NR1I3: variants seen among roughly 807,000 people sequenced by gnomAD.
NR1I3 encodes constitutive activator of retinoid response.
NR1I3 carries 30 observed loss-of-function variants against 38.4 expected under a neutral mutation model. The observed-to-expected ratio is 0.78, with a 90% CI of 0.58 to 1.06. The LOEUF is 1.06. Ranked by LOEUF, NR1I3 falls within the 50% of genes least tolerant of loss-of-function variation. The probability of loss-of-function intolerance (pLI) is 0.00; values close to 1 mark genes in which losing one functional copy is unlikely to be tolerated. For synonymous variants in NR1I3, 143 were observed against 165.1 expected, an observed-to-expected ratio of 0.87 and a Z score of 1.03; for missense variants, 388 against 435.7, an observed-to-expected ratio of 0.89 and a Z score of 0.97.
intron 8 of NR1I3, 164 bp from the exon 9 acceptor site, chr1:161,230,090 G>A: frequency 1.3e-6 from 1 of 794,872 alleles, no homozygotes; most frequent in Non-Finnish European, 2.0e-6. Flanking sequence ...GGTTCCAAAG[G>A]TCCTCCAGGG....
intron 3 of NR1I3, among the ~76,000 whole-genome samples, chr1:161,234,801 GAGAA>G (rs1668236532): frequency 6.6e-6 from 1 of 152,238 alleles, no homozygotes; most frequent in South Asian, 2.1e-4. Context: ...ACCTGGCACA[GAGAA>G]AGCATTAATT....
rs1271354248 is a variant in NR1I3, at chr1:161,231,171, G to T, written c.757C>A (p.Gln253Lys). Residue 253 changes from glutamine (Q) to lysine (K), a missense_variant, in exon 7 of 9, where the codon CAG (glutamine) becomes AAG (lysine). Gln to Lys is a moderately conservative substitution (Grantham distance 53, BLOSUM62 1). Transcript: ENST00000367983. ...AGCACATACTCAGGCTCTTGGAGCT[G>T]CAGTTTTCGTAGTGTTCCATGGAAG... ...FHFHGTLRKL[Q>K]LQEPEYVLLA... 1 of 1,613,984 alleles carries T rather than the reference G, an allele frequency of 6.2e-7. No individual in the cohort carries two copies. Among genetic ancestry groups the T allele is most frequent in the African/African-American group, 1.3e-5 (1 of 74,886 alleles).
At position 161,233,837 on chromosome 1, in the gene NR1I3, A is replaced by ATGTGTG. The variant is rs761756944; in HGVS notation, c.239-505_239-500dup. On this transcript the variant is annotated intron_variant, in intron 3 of 8. Coordinates refer to ENST00000367983, the MANE Select transcript of NR1I3 (RefSeq NM_005122.5). ...CAGGGCTGGTATTCATCATATATAT[A>ATGTGTG]TGTGTGTGTGTGTGTGTGTGTGTGT... 1.6e-3 allele frequency among the ~76,000 whole-genome samples: 185 copies of ATGTGTG among 118,566 alleles called. 1 individual carries two copies. Among genetic ancestry groups the ATGTGTG allele is most frequent in the South Asian group, 6.5e-3 (24 of 3,706 alleles). The allele number at this position is 118,566 out of a possible 152,430, so 77.8% of individuals were successfully genotyped here.
At chr1:161,234,636 A>G (rs2501874) in intron 3 of NR1I3, among the ~76,000 whole-genome samples, 76,508 of 151,888 alleles carry the variant, frequency 0.5, 20,132 homozygotes, top group African/African-American at 0.66. Context: ...TGAATTCCTG[A>G]CCTCAACAAT....
At position 161,231,457 on chromosome 1, in the gene NR1I3, TC is replaced by T. The variant is rs1667247331; in HGVS notation, c.565del (p.Asp189ThrfsTer48). 3 of 1,576,962 alleles carry T rather than the reference TC, an allele frequency of 1.9e-6. No homozygotes were observed. On this transcript the variant is annotated frameshift_variant, in exon 6 of 9. Coordinates refer to ENST00000367983, the MANE Select transcript of NR1I3 (RefSeq NM_005122.5). LOFTEE classifies it high-confidence loss of function. ...TGCTCCCTTGAGAAGGGAGATCTGG[TC>T]TTCAATGGGCAGGGAACTGTGGAAA... Reference protein sequence around the residue: ...LPVFRSLPIEDQISLLKGAAV... With the variant: ...LPVFRSLPIEXQISLLKGAAV...
rs774059371 is a variant in NR1I3, at chr1:161,232,799, T to G, written c.548+8A>C. 1 of 1,612,904 alleles carries G rather than the reference T, an allele frequency of 6.2e-7. No individual in the cohort carries two copies. The highest frequency in any genetic ancestry group is 8.5e-7 in the Non-Finnish European group (1 of 1,179,148). ...TTGCCTCCTGAAAGATGAGGGGAGG[T>G]CACTCACCGGAAGACGGGCAGGTCC... On this transcript the variant is annotated splice_region_variant and intron_variant, in intron 5 of 8. Coordinates refer to ENST00000367983, the MANE Select transcript of NR1I3 (RefSeq NM_005122.5).
intron 8 of NR1I3, chr1:161,230,457 G>A (rs948833045): frequency 1.5e-5 from 7 of 472,242 alleles, no homozygotes; most frequent in African/African-American, 8.0e-5. Flanking sequence ...GGCGAGGAGA[G>A]GAAAGGCCAA....
At position 161,238,055 on chromosome 1, in the gene NR1I3, C is replaced by T. The variant is rs1668942418; in HGVS notation, c.-48G>A. Reference sequence around the variant, plus strand: ...AGATTTCCTACCTGCTTCTCTTAGGCAGCATGTCACCTGCAGGCCACAGAA... The same window carrying T: ...AGATTTCCTACCTGCTTCTCTTAGGTAGCATGTCACCTGCAGGCCACAGAA... On this transcript the variant is annotated 5_prime_UTR_variant, in exon 1 of 9. Transcript: ENST00000367983. The T allele has an allele frequency of 6.2e-7, 1 of 1,613,762 alleles. No homozygotes were observed. The highest frequency in any genetic ancestry group is 1.3e-5 in the African/African-American group (1 of 74,926).
rs1217672288 is a variant in NR1I3, at chr1:161,232,800, C to A, written c.548+7G>T. 1.2e-6 allele frequency: 2 copies of A among 1,613,906 alleles called. No individual in the cohort carries two copies. Among genetic ancestry groups the A allele is most frequent in the African/African-American group, 1.3e-5 (1 of 74,942 alleles). On this transcript the variant is annotated splice_region_variant and intron_variant, in intron 5 of 8. Coordinates refer to ENST00000367983, the MANE Select transcript of NR1I3 (RefSeq NM_005122.5). ...TGCCTCCTGAAAGATGAGGGGAGGT[C>A]ACTCACCGGAAGACGGGCAGGTCCT...
At position 161,231,388 on chromosome 1, in the gene NR1I3, A is replaced by T. The variant is rs761662278; in HGVS notation, c.635T>A (p.Leu212His). Residue 212 changes from leucine to histidine, a missense_variant, in exon 6 of 9, where the codon CTC becomes CAC. Coordinates refer to ENST00000367983, the MANE Select transcript of NR1I3 (RefSeq NM_005122.5). ...CHIVLNTTFCLQTQNFLCGPL... is the reference protein window; with the variant it reads ...CHIVLNTTFCHQTQNFLCGPL... ...CCCGCAGAGGAAGTTTTGTGTTTGG[A>T]GACAGAAAGTGGTATTGAGTACGAT... The T allele has an allele frequency of 6.4e-7, 1 of 1,563,490 alleles. No individual in the cohort carries two copies. Among genetic ancestry groups the T allele is most frequent in the African/African-American group, 1.4e-5 (1 of 72,218 alleles).
intron 8 of NR1I3, chr1:161,230,187 G>A: frequency 2.1e-6 from 1 of 468,816 alleles, no homozygotes; most frequent in African/African-American, 2.0e-5. Flanking sequence ...GAAAGCTCCA[G>A]ACTTGGCCAG....
intron 8 of NR1I3, chr1:161,230,156 G>A (rs1221637785): frequency 9.5e-6 from 5 of 524,828 alleles, no homozygotes; most frequent in Non-Finnish European, 1.7e-5. Context: ...TGAACCCAGA[G>A]CTCTGAGAGC....
At chr1:161,236,024 G>A (rs759368572) in intron 2 of NR1I3, 47 bp from the exon 3 acceptor site, 21 of 1,541,098 alleles carry the variant, frequency 1.4e-5, no homozygotes, top group Non-Finnish European at 1.6e-5. Context: ...CAATGGATAG[G>A]TGAGGGGCTG....
chr1:161,235,171 A>G (rs1668317818), intron 3 of NR1I3: 1 of 148,766 alleles, frequency 6.7e-6, no homozygotes, highest in Non-Finnish European at 1.5e-5. Flanking sequence ...AAAAGACAAG[A>G]CTAGCCATGT....
In NR1I3 at chr1:161,230,832, G is replaced by C; in HGVS notation, c.898C>G (p.Gln300Glu). The stretch of plus-strand genomic sequence containing the variant: ...CCGTACCGATCCCGGGGCCTTCGCT[G>C]CTGGCCCTTGATGTAGCTTTGCAGA... ...LTLQSYIKGQ[Q>E]RRPRDRFLYA... The change falls in exon 8 of 9, where the codon CAG becomes GAG. Residue 300 changes from glutamine (Q) to glutamate (E), a missense_variant. Coordinates refer to ENST00000367983, the MANE Select transcript of NR1I3 (RefSeq NM_005122.5). 6.2e-7 allele frequency: 1 copy of C among 1,614,170 alleles called. No individual in the cohort carries two copies. Among genetic ancestry groups the C allele is most frequent in the Non-Finnish European group, 8.5e-7 (1 of 1,180,034 alleles).
At position 161,233,306 on chromosome 1, in the gene NR1I3, G is replaced by A. The variant is rs1477901959; in HGVS notation, c.271C>T (p.Arg91Ter). The A allele has an allele frequency of 1.5e-5, 25 of 1,613,926 alleles. No homozygotes were observed. The highest frequency in any genetic ancestry group is 2.2e-5 in the East Asian group (1 of 44,894). Residue 91 changes from arginine to a stop codon, truncating the protein, a stop_gained, in exon 4 of 9, where the codon CGA becomes TGA. Coordinates refer to ENST00000367983, the MANE Select transcript of NR1I3 (RefSeq NM_005122.5). LOFTEE classifies it high-confidence loss of function. ...GCCCGCCGCTGGGCCTGCTTTGCTC[G>A]CCGCAATGCCAGGGCTTCTGCCGAC... ...ILSAEALALR[R>*]AKQAQRRAQQ... is the part of the protein sequence containing the mutation.
At chr1:161,231,277 A>G (rs1289474664) in intron 6 of NR1I3, 44 bp from the exon 7 acceptor site, 2 of 1,612,932 alleles carry the variant, frequency 1.2e-6, no homozygotes, top group African/African-American at 2.7e-5. Flanking sequence ...TCACCTGACC[A>G]CATCCTGTAC....
chr1:161,233,736 C>T (rs899621138), intron 3 of NR1I3, among the ~76,000 whole-genome samples: 8 of 151,740 alleles, frequency 5.3e-5, no homozygotes, highest in Non-Finnish European at 1.0e-4. Context: ...TTCAAATAAA[C>T]CTTTATCTGA....
Position 161,231,397 on chromosome 1 carries a change from G to C in NR1I3, c.626C>G (p.Thr209Ser). The change falls in exon 6 of 9, where the codon ACT (threonine) becomes AGT (serine). Residue 209 changes from threonine to serine, a missense_variant. Thr to Ser is a moderately conservative substitution (Grantham distance 58). Coordinates refer to ENST00000367983, the MANE Select transcript of NR1I3 (RefSeq NM_005122.5). The stretch of plus-strand genomic sequence containing the variant: ...GAAGTTTTGTGTTTGGAGACAGAAA[G>C]TGGTATTGAGTACGATGTGACAGAT... ...VEICHIVLNT[T>S]FCLQTQNFLC... The C allele has an allele frequency of 6.4e-7, 1 of 1,566,832 alleles. No homozygotes were observed. The highest frequency in any genetic ancestry group is 8.6e-7 in the Non-Finnish European group (1 of 1,161,580).
Sources: allele counts gnomAD v4.1 joint callset (sites outside exome capture counted in the v4.1 genomes callset), GRCh38; gene constraint gnomAD v4.1.1; transcripts MANE v1.5; gene names NCBI Gene and HGNC (gene_info 2026-07-23, HGNC 2026-07-21).